Variants in TIAM1 observed in about 807,000 individuals in gnomAD.
TIAM1 encodes the protein rho guanine nucleotide exchange factor TIAM1.
In TIAM1, 65 loss-of-function variants were observed where a neutral mutation model predicts 163.5. The ratio of observed to expected loss-of-function variants is 0.40; its 90% confidence interval spans 0.33 to 0.49. TIAM1 has a LOEUF of 0.49. Among genes scored for constraint, TIAM1 ranks in the 20% least tolerant of loss-of-function variants. TIAM1 has a pLI of 0.77. For missense variants in TIAM1, 1,789 were observed against 2,044.7 expected, an observed-to-expected ratio of 0.87 and a Z score of 2.41; for synonymous variants, 833 against 810.1, an observed-to-expected ratio of 1.03 and a Z score of -0.48.
At chr21:31,531,700 A>T (rs2047976038) in intron 1 of TIAM1, among the ~76,000 whole-genome samples, 1 of 152,046 alleles carries the variant, frequency 6.6e-6, no homozygotes, top group African/African-American at 2.4e-5. Flanking sequence ...CTCACCATTA[A>T]GTAAACTAAT....
chr21:31,260,740 GAA>G (rs35382269), intron 4 of TIAM1, among the ~76,000 whole-genome samples: 3 of 137,350 alleles, frequency 2.2e-5, no homozygotes, highest in East Asian at 4.1e-4. Flanking sequence ...GAGGAGAACA[GAA>G]AAAAAAAAGG....
rs140411716 is a variant in TIAM1 at position 31,281,154 on chromosome 21, A to C, written c.-188-4246T>G. On this transcript the variant is annotated intron_variant, in intron 2 of 27. Coordinates refer to ENST00000541036, the MANE Select transcript of TIAM1 (RefSeq NM_001353694.2). Reference sequence around the variant, plus strand: ...CATAAGGGAAATTCTGTCATTTTTAAGTCCTTGCAAGTTCCAGGCATCAGT... The same window carrying C: ...CATAAGGGAAATTCTGTCATTTTTACGTCCTTGCAAGTTCCAGGCATCAGT... Among the ~76,000 whole-genome samples, 62 of 151,886 alleles carry C rather than the reference A, an allele frequency of 4.1e-4. 1 individual carries two copies. The highest frequency in any genetic ancestry group is 1.3e-3 in the African/African-American group (55 of 41,434).
At chr21:31,208,315 T>C (rs1019217138) in intron 11 of TIAM1, among the ~76,000 whole-genome samples, 1 of 152,198 alleles carries the variant, frequency 6.6e-6, no homozygotes, top group African/African-American at 2.4e-5. Flanking sequence ...TCCAAAGCCA[T>C]GTTATTCTTC....
At chr21:31,334,941 C>T (rs1452437668) in intron 2 of TIAM1, among the ~76,000 whole-genome samples, 1 of 152,106 alleles carries the variant, frequency 6.6e-6, no homozygotes, top group Non-Finnish European at 1.5e-5. Context: ...ACCACCCGAC[C>T]CCCAACCCAG....
rs183064792 is a variant in TIAM1 at position 31,498,439 on chromosome 21, C to T, written c.-421-34404G>A. On this transcript the variant is annotated intron_variant, in intron 1 of 28. Transcript: ENST00000286827. ...TTGTCAGAACACCAGGCAAGGGACC[C>T]CGCAGCACCCCCACTCTCCCTTAAG... Among the ~76,000 whole-genome samples the T allele has an allele frequency of 3.7e-3, 528 of 142,862 alleles. 4 individuals are homozygous for T. Among genetic ancestry groups the T allele is most frequent in the Non-Finnish European group, 6.3e-3 (409 of 64,474 alleles). 93.7% of individuals were successfully genotyped at this position (142,862 alleles called of 152,430 possible). A position where few individuals can be genotyped will look rare whatever the true frequency, so the allele number is the denominator to read the frequency against.
At chr21:31,530,595 C>T (rs565534895) in intron 1 of TIAM1, among the ~76,000 whole-genome samples, 1 of 152,306 alleles carries the variant, frequency 6.6e-6, no homozygotes, top group Non-Finnish European at 1.5e-5. Context: ...TGTGGGGCAC[C>T]CCAGTGCCCG....
At chr21:31,312,961 T>C (rs2074985823) in intron 2 of TIAM1, among the ~76,000 whole-genome samples, 1 of 152,376 alleles carries the variant, frequency 6.6e-6, no homozygotes, top group South Asian at 2.1e-4. Flanking sequence ...TCAAGCCCTC[T>C]GAGACATAGC....
chr21:31,121,945 G>A (rs1228604640), intron 27 of TIAM1, among the ~76,000 whole-genome samples: 2 of 152,176 alleles, frequency 1.3e-5, no homozygotes, highest in Admixed American at 6.6e-5. Context: ...GAGGGGAAGA[G>A]TCTCAACGCC....
chr21:31,195,129 T>C, intron 13 of TIAM1, 95 bp downstream of exon 13: 11 of 949,030 alleles, frequency 1.2e-5, no homozygotes, highest in Non-Finnish European at 1.8e-5. Flanking sequence ...CTGTTTTAGA[T>C]AGGACTCAAA....
intron 1 of TIAM1, among the ~76,000 whole-genome samples, chr21:31,522,895 A>G (rs1488861905): frequency 6.6e-6 from 1 of 152,242 alleles, no homozygotes; most frequent in Non-Finnish European, 1.5e-5. Flanking sequence ...CCGTATTTCA[A>G]TGTCATAGGT....
chr21:31,370,572 G>A (rs1259481030), intron 2 of TIAM1, among the ~76,000 whole-genome samples: 1 of 152,158 alleles, frequency 6.6e-6, no homozygotes, highest in East Asian at 1.9e-4. Context: ...ATGAGTATGT[G>A]AGAGTTTCTG....
At chr21:31,268,944 C>T (rs1242450443) in intron 3 of TIAM1, among the ~76,000 whole-genome samples, 3 of 152,000 alleles carry the variant, frequency 2.0e-5, no homozygotes, top group Non-Finnish European at 2.9e-5. Context: ...AGACTTAGAA[C>T]CAATGTTAGT....
intron 2 of TIAM1, among the ~76,000 whole-genome samples, chr21:31,357,999 C>T (rs1416230290): frequency 2.0e-5 from 3 of 152,230 alleles, no homozygotes; most frequent in South Asian, 2.1e-4. Context: ...CTTTTCTTTA[C>T]ACTGTGGTCC....
At chr21:31,474,008 C>T (rs2045849035) in intron 1 of TIAM1, among the ~76,000 whole-genome samples, 1 of 152,144 alleles carries the variant, frequency 6.6e-6, no homozygotes, top group East Asian at 1.9e-4. Flanking sequence ...AAGAAGCTTC[C>T]ACTCATGGCA....
At chr21:31,455,435 G>A (rs1026985814) in intron 2 of TIAM1, among the ~76,000 whole-genome samples, 1 of 149,800 alleles carries the variant, frequency 6.7e-6, no homozygotes, top group Non-Finnish European at 1.5e-5. Flanking sequence ...TTTTTGAGAC[G>A]GAGTCTCACT....
At chr21:31,160,429 C>T in intron 16 of TIAM1, 1 of 398,606 alleles carries the variant, frequency 2.5e-6, no homozygotes. Context: ...AGGATTCAAA[C>T]AGCAAAGGCG....
chr21:31,546,143 G>A (rs1336048719), intron 1 of TIAM1, among the ~76,000 whole-genome samples: 2 of 150,556 alleles, frequency 1.3e-5, no homozygotes, highest in African/African-American at 4.9e-5. Flanking sequence ...TTTATAATGG[G>A]TATTCTGGCA....
chr21:31,135,547 G>A (rs922601044), intron 23 of TIAM1, among the ~76,000 whole-genome samples: 1 of 152,000 alleles, frequency 6.6e-6, no homozygotes, highest in African/African-American at 2.4e-5. Context: ...ATCTAGGACT[G>A]GGGGGTCTCA....
chr21:31,206,205 C>T (rs56769936), intron 11 of TIAM1, among the ~76,000 whole-genome samples: 3,697 of 152,234 alleles, frequency 0.024, 160 homozygotes, highest in African/African-American at 0.084. Flanking sequence ...GTGTGTCTTA[C>T]TATTTTGGTA....
Sources: gnomAD v4.1 joint callset for allele counts (sites outside exome capture counted in the v4.1 genomes callset) on GRCh38, gnomAD v4.1.1 for gene constraint, MANE v1.5 for transcripts, NCBI Gene and HGNC (gene_info 2026-07-23, HGNC 2026-07-21) for gene names.